Variants in DNM3 observed in about 807,000 individuals in gnomAD.
DNM3 encodes the protein dynamin-3.
A neutral mutation model predicts 101.6 loss-of-function variants in DNM3; 47 were observed. The observed-to-expected ratio is 0.46, with a 90% CI of 0.37 to 0.59. The LOEUF is 0.59. Among genes scored for constraint, DNM3 ranks in the 20% least tolerant of loss-of-function variants. The probability of loss-of-function intolerance (pLI) is 0.00; values close to 1 mark genes in which losing one functional copy is unlikely to be tolerated. For missense variants in DNM3, 849 were observed against 1,085.7 expected (o/e 0.78, Z 3.06); for synonymous variants, 385 against 387.9 (o/e 0.99, Z 0.09).
In DNM3 at chr1:172,184,416, G is replaced by C. The variant is rs116410673; in HGVS notation, c.1659+53128G>C. ...GACACAGCAGTTTTTCTGCAGTTGG[G>C]AGTTGGTGATTGAAAAGTAGGAATT... On this transcript the variant is annotated intron_variant, in intron 14 of 20. Coordinates refer to ENST00000627582, the MANE Select transcript of DNM3 (RefSeq NM_015569.5). Among the ~76,000 whole-genome samples the C allele has an allele frequency of 2.4e-3, 360 of 152,194 alleles. 1 individual carries two copies. Among genetic ancestry groups the C allele is most frequent in the African/African-American group, 8.3e-3 (346 of 41,534 alleles).
chr1:171,903,282 A>G lies in DNM3; in HGVS notation c.162-18466A>G, dbSNP rs138678243. Among the ~76,000 whole-genome samples the G allele has an allele frequency of 8.5e-5, 13 of 152,332 alleles. No individual in the cohort carries two copies. In the East Asian group the frequency reaches 2.5e-3, roughly 29 times the overall value. On this transcript the variant is annotated intron_variant, in intron 1 of 20. Transcript: ENST00000627582. The stretch of plus-strand genomic sequence containing the variant: ...AAGTGTCATTCTTAAAAAATGTTGT[A>G]TGTATATAGTTTGCTGTCATAGACT...
intron 14 of DNM3, among the ~76,000 whole-genome samples, chr1:172,239,805 T>TTTC (rs1213343781): frequency 8.8e-5 from 7 of 79,192 alleles, no homozygotes; most frequent in Non-Finnish European, 1.3e-4. Context: ...TTTCTCTTTT[T>TTTC]TTTTTTTTTT....
At chr1:172,059,530 G>A (rs1418420758) in intron 10 of DNM3, among the ~76,000 whole-genome samples, 1 of 86,684 alleles carries the variant, frequency 1.2e-5, no homozygotes, top group Non-Finnish European at 2.1e-5. Context: ...GGGATGCAAG[G>A]CTGGTTCAAT....
At chr1:172,053,505 T>C (rs2050353748) in intron 10 of DNM3, among the ~76,000 whole-genome samples, 1 of 152,156 alleles carries the variant, frequency 6.6e-6, no homozygotes, top group Admixed American at 6.5e-5. Flanking sequence ...TGTATGTATT[T>C]GTTTACATAT....
chr1:171,930,647 G>A (rs918137156), intron 2 of DNM3, among the ~76,000 whole-genome samples: 2 of 152,126 alleles, frequency 1.3e-5, no homozygotes, highest in African/African-American at 4.8e-5. Context: ...TTCCCTGGGT[G>A]GGGGATGTTC....
chr1:172,081,109 G>A (rs370808158), intron 11 of DNM3, among the ~76,000 whole-genome samples: 5 of 151,058 alleles, frequency 3.3e-5, no homozygotes, highest in African/African-American at 1.2e-4. Context: ...ATTAAGAGAT[G>A]GGGTCTTGCT....
intron 14 of DNM3, among the ~76,000 whole-genome samples, chr1:172,179,165 AT>A: frequency 6.6e-6 from 1 of 152,006 alleles, no homozygotes; most frequent in African/African-American, 2.4e-5. Flanking sequence ...GAATCCAAAA[AT>A]TTTTTGTTTA....
At chr1:172,382,599 T>C (rs942106048) in intron 18 of DNM3, among the ~76,000 whole-genome samples, 3 of 152,246 alleles carry the variant, frequency 2.0e-5, no homozygotes, top group African/African-American at 7.2e-5. Flanking sequence ...CATTTGAACA[T>C]TGGATAATGC....
At chr1:171,987,870 C>T in intron 3 of DNM3, 65 bp downstream of exon 3, 1 of 1,422,988 alleles carries the variant, frequency 7.0e-7, no homozygotes, top group African/African-American at 1.4e-5. Flanking sequence ...AATTAACATA[C>T]ATCATTTGTA....
chr1:172,286,068 T>A (rs994794502), intron 15 of DNM3, among the ~76,000 whole-genome samples: 31 of 147,490 alleles, frequency 2.1e-4, no homozygotes, highest in Admixed American at 1.8e-3. Context: ...AGTGAGTTAT[T>A]TATATATATA....
In DNM3 at chr1:172,308,747, C is replaced by T. The variant is rs1298502289; in HGVS notation, c.1789C>T (p.Arg597Cys). Residue 597 changes from arginine (R) to cysteine (C), a missense_variant, in exon 16 of 21, where the codon CGC becomes TGC. Coordinates refer to ENST00000627582, the MANE Select transcript of DNM3 (RefSeq NM_015569.5). ...CTCCAGGAATGTATACAAAGACTAT[C>T]GCTTCCTTGAGCTGGCATGTGATTC... Reference protein sequence around the residue: ...TEQRNVYKDYRFLELACDSQE... With the variant: ...TEQRNVYKDYCFLELACDSQE... 6 of 1,596,826 alleles carry T rather than the reference C, an allele frequency of 3.8e-6. No individual in the cohort carries two copies. Among genetic ancestry groups the T allele is most frequent in the East Asian group, 2.3e-5 (1 of 44,348 alleles).
At chr1:172,068,593 C>T (rs935769694) in intron 10 of DNM3, among the ~76,000 whole-genome samples, 1 of 152,132 alleles carries the variant, frequency 6.6e-6, no homozygotes, top group Non-Finnish European at 1.5e-5. Context: ...AGGAATTGCT[C>T]TGCTGGTTTT....
At chr1:172,362,971 CT>C (rs1246830732) in intron 17 of DNM3, among the ~76,000 whole-genome samples, 1 of 151,568 alleles carries the variant, frequency 6.6e-6, no homozygotes, top group African/African-American at 2.4e-5. Context: ...CCCTCCTCAC[CT>C]TTTTTTTAAC....
At chr1:172,117,902 G>C (rs149807506) in intron 13 of DNM3, among the ~76,000 whole-genome samples, 41 of 152,250 alleles carry the variant, frequency 2.7e-4, no homozygotes, top group African/African-American at 9.4e-4. Context: ...AAGACAACTG[G>C]GTCATACATA....
intron 13 of DNM3, among the ~76,000 whole-genome samples, chr1:172,112,812 C>T (rs1339605026): frequency 6.6e-6 from 1 of 152,156 alleles, no homozygotes; most frequent in Non-Finnish European, 1.5e-5. Flanking sequence ...AGAGGAAGAG[C>T]AGTGTGAATC....
intron 10 of DNM3, among the ~76,000 whole-genome samples, chr1:172,062,570 A>T (rs1354039382): frequency 6.6e-6 from 1 of 152,042 alleles, no homozygotes. Context: ...TGGATTAAGG[A>T]TTTGCCCACC....
intron 10 of DNM3, among the ~76,000 whole-genome samples, chr1:172,068,090 G>C (rs962062118): frequency 6.6e-6 from 1 of 152,228 alleles, no homozygotes; most frequent in East Asian, 1.9e-4. Context: ...CACTTTGGGA[G>C]ACCAAGGCAG....
intron 17 of DNM3, among the ~76,000 whole-genome samples, chr1:172,356,549 A>AT (rs886168504): frequency 1.4e-4 from 21 of 150,688 alleles, no homozygotes; most frequent in East Asian, 1.9e-4. Flanking sequence ...ACTCCTCAGA[A>AT]TTTTTTTTTT....
At position 171,973,412 on chromosome 1, in the gene DNM3, A is replaced by G. The variant is rs111860583; in HGVS notation, c.236-14244A>G. On this transcript the variant is annotated intron_variant, in intron 2 of 20. Coordinates refer to ENST00000627582, the MANE Select transcript of DNM3 (RefSeq NM_015569.5). ...CATATTTACTCAATTCTTTTTTTTT[A>G]ATTAAGGGTTTACTATGTGTTAAAT... Among the ~76,000 whole-genome samples, 1,359 of 151,814 alleles carry G rather than the reference A, an allele frequency of 9.0e-3. 27 individuals carry two copies. The highest frequency in any genetic ancestry group is 0.031 in the African/African-American group (1,288 of 41,422).
Sources: allele counts gnomAD v4.1 joint callset (sites outside exome capture counted in the v4.1 genomes callset), GRCh38; gene constraint gnomAD v4.1.1; transcripts MANE v1.5; gene names NCBI Gene and HGNC (gene_info 2026-07-23, HGNC 2026-07-21).